The following TMEM132C variants were observed in gnomAD, a reference collection of about 807,000 sequenced individuals.
TMEM132C encodes protein phosphatase 1, regulatory subunit 152.
A neutral mutation model predicts 61.4 loss-of-function variants in TMEM132C; 29 were observed. The observed-to-expected ratio is 0.47, with a 90% CI of 0.35 to 0.64. The LOEUF is 0.64. TMEM132C is among the 30% of genes least tolerant of loss of function. The pLI, the probability that TMEM132C is intolerant of heterozygous loss-of-function variation, is 0.00. For missense variants in TMEM132C, 1,408 were observed against 1,476.9 expected (o/e 0.95, Z 0.76); for synonymous variants, 656 against 633.1 (o/e 1.04, Z -0.54).
At chr12:128,490,312 C>T (rs769170048) in intron 2 of TMEM132C, among the ~76,000 whole-genome samples, 3 of 152,102 alleles carry the variant, frequency 2.0e-5, no homozygotes, top group Non-Finnish European at 2.9e-5. Context: ...CTTTCCTGGC[C>T]CTTCAGTGGT....
intron 2 of TMEM132C, among the ~76,000 whole-genome samples, chr12:128,423,942 G>A (rs964790738): frequency 1.1e-4 from 17 of 151,424 alleles, no homozygotes; most frequent in East Asian, 9.8e-4. Flanking sequence ...GCTACTTGGG[G>A]GTGCTGAGGC....
intron 2 of TMEM132C, among the ~76,000 whole-genome samples, chr12:128,510,450 T>A (rs1872530595): frequency 6.6e-6 from 1 of 152,220 alleles, no homozygotes; most frequent in African/African-American, 2.4e-5. Context: ...GGTTTGCTTG[T>A]CTCTCTGCCC....
At chr12:128,564,574 G>A (rs780151409) in intron 3 of TMEM132C, among the ~76,000 whole-genome samples, 47 of 152,200 alleles carry the variant, frequency 3.1e-4, no homozygotes, top group Admixed American at 8.5e-4. Context: ...ATATGGGTAC[G>A]ATGGGTCCCA....
At chr12:128,431,962 C>T (rs1869405329) in intron 2 of TMEM132C, among the ~76,000 whole-genome samples, 1 of 152,100 alleles carries the variant, frequency 6.6e-6, no homozygotes, top group African/African-American at 2.4e-5. Context: ...CCCCTAAATC[C>T]CAGGACCCTT....
At chr12:128,355,794 C>T (rs964249771) in intron 1 of TMEM132C, among the ~76,000 whole-genome samples, 1 of 152,032 alleles carries the variant, frequency 6.6e-6, no homozygotes, top group African/African-American at 2.4e-5. Context: ...TGCTCCCCTC[C>T]CACATCTGCA....
chr12:128,467,184 T>C (rs1870762766), intron 2 of TMEM132C, among the ~76,000 whole-genome samples: 1 of 152,208 alleles, frequency 6.6e-6, no homozygotes, highest in African/African-American at 2.4e-5. Flanking sequence ...GAACTATTTA[T>C]ATGTGCCATC....
chr12:128,313,419 G>A (rs866678348), intron 1 of TMEM132C, among the ~76,000 whole-genome samples: 7 of 152,098 alleles, frequency 4.6e-5, no homozygotes, highest in Non-Finnish European at 8.8e-5. Flanking sequence ...CATCCTACAC[G>A]CCACCACCCT....
chr12:128,446,554 A>C (rs1448380157), intron 2 of TMEM132C, among the ~76,000 whole-genome samples: 1 of 152,210 alleles, frequency 6.6e-6, no homozygotes, highest in African/African-American at 2.4e-5. Context: ...TTAATCAACT[A>C]TTTAGCAAAC....
intron 1 of TMEM132C, among the ~76,000 whole-genome samples, chr12:128,404,083 C>G (rs2136012652): frequency 6.6e-6 from 1 of 152,302 alleles, no homozygotes; most frequent in Admixed American, 6.5e-5. Flanking sequence ...AAAATGTCTG[C>G]AGACGTCACC....
chr12:128,648,172 A>G (rs1281104658), intron 4 of TMEM132C, among the ~76,000 whole-genome samples: 3 of 129,634 alleles, frequency 2.3e-5, no homozygotes, highest in Admixed American at 1.6e-4. Flanking sequence ...ATCAACGTTA[A>G]ATATGAGTGT....
chr12:128,469,484 T>G (rs1030718326), intron 2 of TMEM132C, among the ~76,000 whole-genome samples: 1 of 151,940 alleles, frequency 6.6e-6, no homozygotes, highest in Non-Finnish European at 1.5e-5. Flanking sequence ...CCCAGCTAAC[T>G]TTCTGTATGT....
At chr12:128,583,302 G>A (rs916470803) in intron 3 of TMEM132C, among the ~76,000 whole-genome samples, 2 of 148,764 alleles carry the variant, frequency 1.3e-5, no homozygotes, top group African/African-American at 2.5e-5. Context: ...ACATAAGTAA[G>A]AGTTTTTTGA....
chr12:128,372,118 C>T (rs1376751131), intron 1 of TMEM132C, among the ~76,000 whole-genome samples: 1 of 152,190 alleles, frequency 6.6e-6, no homozygotes, highest in Non-Finnish European at 1.5e-5. Context: ...CAATTGCTGG[C>T]TGCCATCTTG....
chr12:128,281,185 C>A (rs755145827), intron 1 of TMEM132C, among the ~76,000 whole-genome samples: 1 of 152,194 alleles, frequency 6.6e-6, no homozygotes, highest in Admixed American at 6.5e-5. Context: ...CAAGGATAAG[C>A]AAACATCATG....
chr12:128,553,978 C>T lies in TMEM132C; in HGVS notation c.1121+9875C>T, dbSNP rs187562554. 9.2e-4 allele frequency among the ~76,000 whole-genome samples: 140 copies of T among 152,290 alleles called. No homozygotes were observed. The East Asian group carries it at 0.019, about 21-fold the overall frequency. On this transcript the variant is annotated intron_variant, in intron 3 of 8. Coordinates refer to ENST00000435159, the MANE Select transcript of TMEM132C (RefSeq NM_001136103.3). ...GGGTGTCTGTGCCCAGGACTGGTTA[C>T]GGGCCATGTGGGAGACTTTCACTTT...
chr12:128,508,638 T>C (rs1162684252), intron 2 of TMEM132C, among the ~76,000 whole-genome samples: 1 of 152,228 alleles, frequency 6.6e-6, no homozygotes, highest in African/African-American at 2.4e-5. Context: ...ATGCCACCAG[T>C]GCCTCCTTCT....
chr12:128,267,352 G>GGCGCT lies in TMEM132C; in HGVS notation c.-45_-41dup. 1.0e-6 allele frequency: 1 copy of GGCGCT among 990,034 alleles called. No homozygotes were observed. The highest frequency in any genetic ancestry group is 1.2e-6 in the Non-Finnish European group (1 of 832,350). The allele number at this position is 990,034 out of a possible 1,614,324, so 61.3% of individuals were successfully genotyped here. A position where few individuals can be genotyped will look rare whatever the true frequency, so the allele number is the denominator to read the frequency against. ...GGGCGGCCGGCGGGGGCCGCGGGCGGGCGCTGCGCTTCGGGCTGGCGGCGG... is the reference window on the plus strand; with the variant it reads ...GGGCGGCCGGCGGGGGCCGCGGGCGGGCGCTGCGCTGCGCTTCGGGCTGGCGGCGG... On this transcript the variant is annotated 5_prime_UTR_variant, in exon 1 of 9. It removes the in-frame stop codon of an upstream open reading frame in the 5' UTR. Transcript: ENST00000435159.
chr12:128,370,446 A>G (rs1233244126), intron 1 of TMEM132C, among the ~76,000 whole-genome samples: 1 of 152,058 alleles, frequency 6.6e-6, no homozygotes, highest in Non-Finnish European at 1.5e-5. Flanking sequence ...AAAGGAACAA[A>G]CAAGACGTTT....
Position 128,469,045 on chromosome 12 carries a change from C to G in TMEM132C, c.974+53425C>G, listed in dbSNP as rs538391888. 3.9e-5 allele frequency among the ~76,000 whole-genome samples: 6 copies of G among 152,284 alleles called. No homozygotes were observed. In the South Asian group the frequency reaches 1.2e-3, roughly 32 times the overall value. On this transcript the variant is annotated intron_variant, in intron 2 of 8. Coordinates refer to ENST00000435159, the MANE Select transcript of TMEM132C (RefSeq NM_001136103.3). ...AAAGAATTCAACACATCCCTCATAGCAACCATACCGCTTGGTTGAAGTTAC... is the reference window on the plus strand; with the variant it reads ...AAAGAATTCAACACATCCCTCATAGGAACCATACCGCTTGGTTGAAGTTAC...
Sources: gnomAD v4.1 joint callset for allele counts (sites outside exome capture counted in the v4.1 genomes callset) on GRCh38, gnomAD v4.1.1 for gene constraint, MANE v1.5 for transcripts, NCBI Gene and HGNC (gene_info 2026-07-23, HGNC 2026-07-21) for gene names.